The following ENOX1 variants were observed in gnomAD, a reference collection of about 807,000 sequenced individuals.
ENOX1 encodes the protein candidate growth-related and time keeping constitutive hydroquinone (NADH) oxidase.
Under a neutral mutation model 82.5 loss-of-function variants are expected in ENOX1, and 42 were observed. The observed-to-expected ratio is 0.51, with a 90% CI of 0.40 to 0.66. The LOEUF is 0.66. Among genes scored for constraint, ENOX1 ranks in the 30% least tolerant of loss-of-function variants. The probability of loss-of-function intolerance (pLI) is 0.00; values close to 1 mark genes in which losing one functional copy is unlikely to be tolerated. For missense variants in ENOX1, 608 were observed against 811.6 expected, an observed-to-expected ratio of 0.75 and a Z score of 3.05; for synonymous variants, 271 against 282.2, an observed-to-expected ratio of 0.96 and a Z score of 0.40.
chr13:43,550,026 T>G (rs2079124610), intron 2 of ENOX1, among the ~76,000 whole-genome samples: 1 of 152,168 alleles, frequency 6.6e-6, no homozygotes, highest in Non-Finnish European at 1.5e-5. Context: ...TCATAAGGCA[T>G]CAGAATCTCA....
At chr13:43,590,584 C>T (rs2081198488) in intron 2 of ENOX1, among the ~76,000 whole-genome samples, 1 of 149,304 alleles carries the variant, frequency 6.7e-6, no homozygotes, top group African/African-American at 2.5e-5. Flanking sequence ...ACCATTGTGG[C>T]TAACATGGTG....
At chr13:43,606,770 C>T (rs1240376485) in intron 2 of ENOX1, among the ~76,000 whole-genome samples, 1 of 151,940 alleles carries the variant, frequency 6.6e-6, no homozygotes, top group Non-Finnish European at 1.5e-5. Context: ...AGTCCCAGAA[C>T]TTTGGGAGGC....
chr13:43,624,760 T>C (rs1210089621), intron 2 of ENOX1, among the ~76,000 whole-genome samples: 1 of 152,132 alleles, frequency 6.6e-6, no homozygotes, highest in Non-Finnish European at 1.5e-5. Context: ...TACAGTGATA[T>C]ATCTCTATCC....
chr13:43,708,655 A>C (rs988942632), intron 1 of ENOX1, among the ~76,000 whole-genome samples: 1 of 152,228 alleles, frequency 6.6e-6, no homozygotes, highest in Non-Finnish European at 1.5e-5. Flanking sequence ...CAATACAGAC[A>C]GAAAGTGTGA....
In ENOX1 at chr13:43,629,141, C is replaced by G. The variant is rs181689513; in HGVS notation, c.-219+38338G>C. On this transcript the variant is annotated intron_variant, in intron 2 of 16. Transcript: ENST00000690772. ...CCCTACTTTGTCTCTGATATTACCC[C>G]ACAGGAGAATAGTTATAGCCTCTGG... is the stretch of plus-strand genomic sequence containing the variant. Among the ~76,000 whole-genome samples the G allele has an allele frequency of 3.8e-3, 583 of 152,280 alleles. 11 individuals carry two copies. Among genetic ancestry groups the G allele is most frequent in the East Asian group, 4.6e-3 (24 of 5,186 alleles).
At chr13:43,775,287 G>A (rs1219840344) in intron 1 of ENOX1, among the ~76,000 whole-genome samples, 2 of 152,050 alleles carry the variant, frequency 1.3e-5, no homozygotes, top group Non-Finnish European at 2.9e-5. Flanking sequence ...AGTAGCTTAT[G>A]ACTACAGGTG....
intron 3 of ENOX1, among the ~76,000 whole-genome samples, chr13:43,478,163 G>A (rs1475117404): frequency 6.8e-6 from 1 of 146,920 alleles, no homozygotes; most frequent in Non-Finnish European, 1.5e-5. Flanking sequence ...TATTAAATAT[G>A]AGGGGTAGAA....
At chr13:43,639,255 C>T (rs531843401) in intron 2 of ENOX1, among the ~76,000 whole-genome samples, 3 of 152,088 alleles carry the variant, frequency 2.0e-5, no homozygotes, top group East Asian at 1.9e-4. Flanking sequence ...TGAGCTGAGA[C>T]GGCGCCACTG....
At chr13:43,502,356 T>A (rs932633434) in intron 2 of ENOX1, among the ~76,000 whole-genome samples, 1 of 151,712 alleles carries the variant, frequency 6.6e-6, no homozygotes, top group East Asian at 1.9e-4. Context: ...ACTTTCAAAC[T>A]CATTTTATGA....
At chr13:43,609,404 A>G (rs1427499221) in intron 2 of ENOX1, among the ~76,000 whole-genome samples, 1 of 152,158 alleles carries the variant, frequency 6.6e-6, no homozygotes, top group East Asian at 1.9e-4. Flanking sequence ...CTGTGGCTGT[A>G]TTTATATTTT....
chr13:43,779,401 T>C (rs536412074), intron 1 of ENOX1, among the ~76,000 whole-genome samples: 2 of 152,258 alleles, frequency 1.3e-5, no homozygotes, highest in Admixed American at 1.3e-4. Context: ...CCCAACTCTC[T>C]CATGTCACTG....
At chr13:43,314,350 T>G (rs2047365807) in intron 11 of ENOX1, among the ~76,000 whole-genome samples, 1 of 152,174 alleles carries the variant, frequency 6.6e-6, no homozygotes, top group South Asian at 2.1e-4. Flanking sequence ...GGGAAGGAAG[T>G]ACTTACTTTT....
At chr13:43,598,753 T>C (rs1443320819) in intron 2 of ENOX1, among the ~76,000 whole-genome samples, 1 of 152,144 alleles carries the variant, frequency 6.6e-6, no homozygotes, top group African/African-American at 2.4e-5. Context: ...GTTAAAACTA[T>C]GGGTCATGTT....
intron 7 of ENOX1, among the ~76,000 whole-genome samples, chr13:43,357,531 A>G (rs1430473405): frequency 6.6e-6 from 1 of 152,208 alleles, no homozygotes; most frequent in Non-Finnish European, 1.5e-5. Context: ...TTAATGCAAA[A>G]GCAAAATGTA....
At chr13:43,245,251 G>T (rs531499946) in intron 14 of ENOX1, among the ~76,000 whole-genome samples, 12 of 152,160 alleles carry the variant, frequency 7.9e-5, no homozygotes, top group Non-Finnish European at 1.2e-4. Flanking sequence ...CATTTTTGCT[G>T]TTTGTACAAA....
At chr13:43,268,510 T>C (rs971578061) in intron 13 of ENOX1, among the ~76,000 whole-genome samples, 7 of 152,140 alleles carry the variant, frequency 4.6e-5, no homozygotes, top group African/African-American at 9.7e-5. Flanking sequence ...TACTTTTCTC[T>C]CACAAATCAC....
intron 15 of ENOX1, among the ~76,000 whole-genome samples, chr13:43,233,340 G>A (rs1001917936): frequency 3.3e-5 from 5 of 152,164 alleles, no homozygotes; most frequent in Non-Finnish European, 7.4e-5. Flanking sequence ...TAATTGTCAA[G>A]AAGAAAGTCC....
intron 11 of ENOX1, among the ~76,000 whole-genome samples, chr13:43,315,359 G>C (rs552471609): frequency 6.6e-6 from 1 of 152,224 alleles, no homozygotes; most frequent in African/African-American, 2.4e-5. Context: ...ATTCATCGAT[G>C]TTGTAAAGGG....
chr13:43,573,311 C>T (rs914281650), intron 2 of ENOX1, among the ~76,000 whole-genome samples: 1 of 152,130 alleles, frequency 6.6e-6, no homozygotes, highest in Non-Finnish European at 1.5e-5. Flanking sequence ...GTGTCTGCAA[C>T]CAAGAAGGCA....
Sources: allele counts gnomAD v4.1 joint callset (sites outside exome capture counted in the v4.1 genomes callset), GRCh38; gene constraint gnomAD v4.1.1; transcripts MANE v1.5; gene names NCBI Gene and HGNC (gene_info 2026-07-23, HGNC 2026-07-21).